The following PREX1 variants were observed in gnomAD, a reference collection of about 807,000 sequenced individuals.
The protein encoded by PREX1 is phosphatidylinositol 3,4,5-trisphosphate-dependent Rac exchanger 1 protein.
A neutral mutation model predicts 198.3 loss-of-function variants in PREX1; 41 were observed. The observed-to-expected ratio is 0.21, with a 90% CI of 0.16 to 0.27. The LOEUF is 0.27. PREX1 is among the 10% of genes least tolerant of loss of function. The pLI is 1.00. For missense variants in PREX1, 1,620 were observed against 2,200.7 expected, an observed-to-expected ratio of 0.74 and a Z score of 5.28; for synonymous variants, 843 against 887.2, an observed-to-expected ratio of 0.95 and a Z score of 0.89.
At chr20:48,765,481 T>C (rs2090204075) in intron 1 of PREX1, among the ~76,000 whole-genome samples, 1 of 152,176 alleles carries the variant, frequency 6.6e-6, no homozygotes, top group Admixed American at 6.5e-5. Flanking sequence ...ATGCCTGCAT[T>C]TCCAATGAAA....
Position 48,632,501 on chromosome 20 carries a change from G to A in PREX1, c.4406C>T (p.Thr1469Met), listed in dbSNP as rs558809203. 12 of 1,613,950 alleles carry A rather than the reference G, an allele frequency of 7.4e-6. No homozygotes were observed. The highest frequency in any genetic ancestry group is 2.7e-5 in the African/African-American group (2 of 75,008). The part of the protein sequence containing the change: ...ASLRLHTALF[T>M]KVLENVEGLP... ...GCCCCAGGCCTGAAGCTCACCTTTC[G>A]TGAACAGCGCTGTGTGCAGCCTCAG... The change falls in exon 34 of 40, where the codon ACG (threonine) becomes ATG (methionine). Residue 1469 changes from threonine to methionine, a missense_variant. Thr to Met is a moderately conservative substitution (Grantham distance 81). Around this residue, in one of 7 missense-constraint regions of PREX1, gnomAD observed 476 missense variants for 603.4 expected, o/e 0.79. Transcript: ENST00000371941.
chr20:48,643,392 C>G (rs2089428375), intron 27 of PREX1, among the ~76,000 whole-genome samples: 1 of 151,998 alleles, frequency 6.6e-6, no homozygotes, highest in African/African-American at 2.4e-5. Context: ...TCGCTTGAAC[C>G]CGGGAGGTGG....
chr20:48,683,298 A>G, intron 10 of PREX1, among the ~76,000 whole-genome samples: 1 of 152,192 alleles, frequency 6.6e-6, no homozygotes, highest in East Asian at 1.9e-4. Context: ...GGGGCAGAAG[A>G]AGACGGCCCA....
intron 4 of PREX1, among the ~76,000 whole-genome samples, chr20:48,730,610 G>C (rs533336112): frequency 3.9e-4 from 60 of 152,238 alleles, no homozygotes; most frequent in African/African-American, 1.4e-3. Flanking sequence ...GATCTTGGTG[G>C]TTCCATGCTA....
chr20:48,795,285 C>T (rs1256942423), intron 1 of PREX1, among the ~76,000 whole-genome samples: 1 of 152,134 alleles, frequency 6.6e-6, no homozygotes, highest in African/African-American at 2.4e-5. Flanking sequence ...CCTCCATTTC[C>T]TTATCTGTGG....
At chr20:48,745,212 G>GA (rs1350057422) in intron 2 of PREX1, 65 bp from the exon 3 acceptor site, 35 of 1,518,958 alleles carry the variant, frequency 2.3e-5, no homozygotes, top group Non-Finnish European at 3.0e-5. Context: ...GCCAAGCACT[G>GA]AAAAAATACA....
chr20:48,627,061 G>A (rs925296773), intron 39 of PREX1, among the ~76,000 whole-genome samples: 2 of 152,222 alleles, frequency 1.3e-5, no homozygotes, highest in African/African-American at 4.8e-5. Context: ...GGCATCGCAG[G>A]CCTGGGCCCA....
At chr20:48,814,618 A>G (rs1477753837) in intron 1 of PREX1, among the ~76,000 whole-genome samples, 1 of 152,216 alleles carries the variant, frequency 6.6e-6, no homozygotes, top group Admixed American at 6.5e-5. Flanking sequence ...AGGTCTGCAC[A>G]GTGAGCTAAA....
rs772846286 is a variant in PREX1, at chr20:48,644,428, G to T, written c.3582C>A (p.Gly1194=). 1.9e-6 allele frequency: 3 copies of T among 1,613,786 alleles called. No homozygotes were observed. The Admixed American group carries it at 5.0e-5, about 27-fold the overall frequency. ...ACTCACCAGACCCCATCTCGTCGCT[G>T]CCCAAGTAGGAGCTGTTACTTCTCA... ...TSVRSNSSYL[G]SDEMGSGDEL... The change falls in exon 27 of 40, where the codon GGC becomes GGA. Residue 1194 remains glycine (G), a synonymous_variant. Transcript: ENST00000371941.
intron 17 of PREX1, among the ~76,000 whole-genome samples, chr20:48,657,393 G>A (rs182251495): frequency 1.3e-3 from 198 of 152,338 alleles, no homozygotes; most frequent in South Asian, 2.7e-3. Flanking sequence ...GAAGCTCATG[G>A]GAGGGCAGCT....
At chr20:48,859,472 C>G in the PREX1 span, among the ~76,000 whole-genome samples, 3 of 152,168 alleles carry the variant, frequency 2.0e-5, no homozygotes, top group African/African-American at 7.2e-5. Context: ...AATCAGGGAG[C>G]CCCTGCCTCA....
chr20:48,697,097 A>G (rs1245753553), intron 7 of PREX1, among the ~76,000 whole-genome samples: 1 of 152,206 alleles, frequency 6.6e-6, no homozygotes, highest in African/African-American at 2.4e-5. Flanking sequence ...AGTTAAGACA[A>G]AAAACAAGAG....
intron 1 of PREX1, among the ~76,000 whole-genome samples, chr20:48,768,880 T>C (rs1427567511): frequency 1.3e-5 from 2 of 151,900 alleles, no homozygotes; most frequent in Non-Finnish European, 2.9e-5. Context: ...CTGGTGGTGA[T>C]GCATACGTAA....
the PREX1 span, among the ~76,000 whole-genome samples, chr20:48,870,482 T>C: frequency 2.0e-5 from 3 of 152,320 alleles, no homozygotes; most frequent in East Asian, 5.8e-4. Context: ...CCCTCAACTT[T>C]GGCAGTGAGA....
chr20:48,727,716 T>C (rs762872512), intron 4 of PREX1, among the ~76,000 whole-genome samples: 2 of 152,152 alleles, frequency 1.3e-5, no homozygotes, highest in African/African-American at 2.4e-5. Flanking sequence ...ATTGAAACCA[T>C]GATGCCCATG....
intron 3 of PREX1, among the ~76,000 whole-genome samples, chr20:48,736,743 A>T (rs147302390): frequency 4.7e-4 from 72 of 152,316 alleles, no homozygotes; most frequent in African/African-American, 1.6e-3. Context: ...AAGAGGAAGA[A>T]AGAGTACAAC....
intron 5 of PREX1, among the ~76,000 whole-genome samples, chr20:48,709,231 A>G (rs2089919054): frequency 1.3e-5 from 2 of 152,206 alleles, no homozygotes; most frequent in African/African-American, 2.4e-5. Flanking sequence ...TCAGTCTTTC[A>G]TCCCGAACTG....
At chr20:48,627,511 G>C in intron 39 of PREX1, 37 bp downstream of exon 39, 1 of 1,611,494 alleles carries the variant, frequency 6.2e-7, no homozygotes, top group Non-Finnish European at 8.5e-7. Context: ...CGCCAGCTGG[G>C]AGTGGACAGG....
chr20:48,798,437 C>T (rs1391066493), intron 1 of PREX1, among the ~76,000 whole-genome samples: 1 of 152,174 alleles, frequency 6.6e-6, no homozygotes, highest in African/African-American at 2.4e-5. Flanking sequence ...TAAAGCCCTC[C>T]CCGGCAGGCT....
Sources: gnomAD v4.1 joint callset for allele counts (sites outside exome capture counted in the v4.1 genomes callset) on GRCh38, gnomAD v4.1.1 for gene constraint, gnomAD v4.1.1 regional missense constraint, MANE v1.5 for transcripts, NCBI Gene and HGNC (gene_info 2026-07-23, HGNC 2026-07-21) for gene names.